Variants in EEF1AKMT1 observed in about 807,000 individuals in gnomAD.
EEF1AKMT1 encodes the protein N-6 adenine-specific DNA methyltransferase 2 (putative).
Under a neutral mutation model 21.0 loss-of-function variants are expected in EEF1AKMT1, and 18 were observed. That is an observed-to-expected ratio of 0.86 (90% CI 0.59 to 1.27). EEF1AKMT1 has a LOEUF of 1.27. EEF1AKMT1 is among the 50% of genes most tolerant of loss of function. The pLI, the probability that EEF1AKMT1 is intolerant of heterozygous loss-of-function variation, is 0.00. For synonymous variants in EEF1AKMT1, 109 were observed against 94.8 expected, an observed-to-expected ratio of 1.15 and a Z score of -0.87; for missense variants, 246 against 258.6, an observed-to-expected ratio of 0.95 and a Z score of 0.33.
At chr13:20,738,409 A>C (rs1363629110) in intron 2 of EEF1AKMT1, among the ~76,000 whole-genome samples, 1 of 152,246 alleles carries the variant, frequency 6.6e-6, no homozygotes, top group African/African-American at 2.4e-5. Flanking sequence ...TCATAGTTAT[A>C]AATTAAGCAG....
In EEF1AKMT1 at chr13:20,728,784, A is replaced by C; in HGVS notation, c.*296T>G. On this transcript the variant is annotated 3_prime_UTR_variant, in exon 5 of 5. Transcript: ENST00000382758. ...TGTCTCATTCAGGAGCCCTTGGGCA[A>C]GCCACACAACTGTTCTTCTGTTTTT... 1 of 379,722 alleles carries C rather than the reference A, an allele frequency of 2.6e-6. No homozygotes were observed. The highest frequency in any genetic ancestry group is 4.9e-6 in the Non-Finnish European group (1 of 203,000). The allele number at this position is 379,722 out of a possible 1,614,324, so 23.5% of individuals were successfully genotyped here.
intron 2 of EEF1AKMT1, among the ~76,000 whole-genome samples, chr13:20,746,464 C>T (rs1435145613): frequency 6.6e-6 from 1 of 152,132 alleles, no homozygotes; most frequent in African/African-American, 2.4e-5. Flanking sequence ...TCTATCCATT[C>T]TTATCTACAG....
At chr13:20,743,832 C>G (rs1451211153) in intron 2 of EEF1AKMT1, among the ~76,000 whole-genome samples, 1 of 151,938 alleles carries the variant, frequency 6.6e-6, no homozygotes, top group Non-Finnish European at 1.5e-5. Context: ...TAATGCTCTC[C>G]CTTCCCTTGT....
At chr13:20,738,980 A>G (rs144560446) in intron 2 of EEF1AKMT1, among the ~76,000 whole-genome samples, 3 of 152,300 alleles carry the variant, frequency 2.0e-5, no homozygotes, top group African/African-American at 7.2e-5. Flanking sequence ...CCTCACGATG[A>G]GTGTGACAGT....
At chr13:20,755,597 G>A (rs966314947) in intron 2 of EEF1AKMT1, among the ~76,000 whole-genome samples, 3 of 152,160 alleles carry the variant, frequency 2.0e-5, no homozygotes, top group African/African-American at 4.8e-5. Context: ...CCTCACCTTA[G>A]GTGTTTCCTG....
intron 1 of EEF1AKMT1, among the ~76,000 whole-genome samples, chr13:20,766,938 T>C (rs1229463370): frequency 1.3e-5 from 2 of 152,188 alleles, no homozygotes; most frequent in African/African-American, 2.4e-5. Context: ...TTTACATTTG[T>C]TATAAATGCC....
At chr13:20,749,929 A>G (rs2058931640) in intron 2 of EEF1AKMT1, among the ~76,000 whole-genome samples, 1 of 152,180 alleles carries the variant, frequency 6.6e-6, no homozygotes, top group Non-Finnish European at 1.5e-5. Flanking sequence ...CATCATAATC[A>G]TGTATCTTAA....
chr13:20,731,095 G>C (rs2058792314), intron 4 of EEF1AKMT1, among the ~76,000 whole-genome samples: 1 of 152,214 alleles, frequency 6.6e-6, no homozygotes, highest in African/African-American at 2.4e-5. Context: ...GTGAGACCAA[G>C]AACCGATCAG....
At position 20,757,550 on chromosome 13, in the gene EEF1AKMT1, A is replaced by G. The variant is rs779940917; in HGVS notation, c.49T>C (p.Leu17=). 10 of 1,614,182 alleles carry G rather than the reference A, an allele frequency of 6.2e-6. No individual in the cohort carries two copies. The Admixed American group carries it at 1.3e-4, about 22-fold the overall frequency. ...DETPQLSAHA[L]AALQEFYAEQ... ...GCATAAAATTCCTGGAGAGCTGCTA[A>G]GGCATGGGCAGAAAGCTGGGGTGTC... The change falls in exon 2 of 5, where the codon TTA becomes CTA. Residue 17 remains leucine, a synonymous_variant. Transcript: ENST00000382758.
chr13:20,773,908 A>C lies in EEF1AKMT1; in HGVS notation c.-20+13T>G, dbSNP rs1409243709. 6.6e-6 allele frequency: 1 copy of C among 152,318 alleles called. No homozygotes were observed. The highest frequency in any genetic ancestry group is 2.4e-5 in the African/African-American group (1 of 41,440). 9.4% of individuals were successfully genotyped at this position (152,318 alleles called of 1,614,324 possible). A position where few individuals can be genotyped will look rare whatever the true frequency, so the allele number is the denominator to read the frequency against. ...CAGCCAACCCTACAGCTGCGCCCGA[A>C]CCCGCCACTCACCAGCCGCGCGTGC... On this transcript the variant is annotated intron_variant, in intron 1 of 4. Transcript: ENST00000382758.
In EEF1AKMT1 at chr13:20,735,209, G is replaced by C. The variant is rs1003281367; in HGVS notation, c.227+2514C>G. Among the ~76,000 whole-genome samples, 5 of 152,318 alleles carry C rather than the reference G, an allele frequency of 3.3e-5. No homozygotes were observed. The East Asian group carries it at 9.6e-4, about 29-fold the overall frequency. On this transcript the variant is annotated intron_variant, in intron 3 of 4. Transcript: ENST00000382758. ...ATACCCGAGGGCTCAGGATGCGACA[G>C]AACCCGGTAACTCAAGAAGCAGAGG...
intron 1 of EEF1AKMT1, among the ~76,000 whole-genome samples, chr13:20,760,982 C>T (rs1353623544): frequency 6.6e-6 from 1 of 152,190 alleles, no homozygotes; most frequent in Admixed American, 6.5e-5. Context: ...TCCCATGTAT[C>T]CTTCCACCTA....
chr13:20,764,912 CACACA>C (rs1263502127), intron 1 of EEF1AKMT1, among the ~76,000 whole-genome samples: 32 of 150,704 alleles, frequency 2.1e-4, no homozygotes, highest in Middle Eastern at 3.5e-3. Flanking sequence ...CACACACACA[CACACA>C]CCCTAATTTT....
At chr13:20,738,911 T>G (rs934221254) in intron 2 of EEF1AKMT1, among the ~76,000 whole-genome samples, 4 of 133,266 alleles carry the variant, frequency 3.0e-5, no homozygotes, top group Non-Finnish European at 5.9e-5. Flanking sequence ...TGGTGATAGT[T>G]GTGTGTCCGG....
intron 2 of EEF1AKMT1, chr13:20,748,006 C>T: frequency 4.0e-6 from 1 of 248,736 alleles, no homozygotes; most frequent in Non-Finnish European, 8.0e-6. Context: ...GTACCACCAT[C>T]ACCAACCAAT....
intron 2 of EEF1AKMT1, among the ~76,000 whole-genome samples, chr13:20,740,668 T>C (rs75649367): frequency 0.023 from 3,553 of 152,180 alleles, 113 homozygotes; most frequent in Middle Eastern, 0.085. Context: ...CCAGGTGTGG[T>C]AGCATGTGCC....
intron 1 of EEF1AKMT1, among the ~76,000 whole-genome samples, chr13:20,766,298 CA>C (rs35866979): frequency 0.41 from 31,259 of 76,322 alleles, 3,002 homozygotes; most frequent in Middle Eastern, 0.48. Flanking sequence ...GACTCCATCT[CA>C]AAAAAAAAAA....
rs146131674 is a variant in EEF1AKMT1 at position 20,763,496 on chromosome 13, A to G, written c.-19-5879T>C. 4.5e-3 allele frequency among the ~76,000 whole-genome samples: 685 copies of G among 151,170 alleles called. 9 individuals carry two copies. Among genetic ancestry groups the G allele is most frequent in the African/African-American group, 0.016 (648 of 41,078 alleles). Reference sequence around the variant, plus strand: ...AAACAGAATTTTGCTATTGTCGCCCAGGCTGGAGTGCAATGGCTCGATCTC... The same window carrying G: ...AAACAGAATTTTGCTATTGTCGCCCGGGCTGGAGTGCAATGGCTCGATCTC... On this transcript the variant is annotated intron_variant, in intron 1 of 4. Coordinates refer to ENST00000382758, the MANE Select transcript of EEF1AKMT1 (RefSeq NM_001318939.2).
chr13:20,743,663 T>C, intron 2 of EEF1AKMT1, among the ~76,000 whole-genome samples: 1 of 151,926 alleles, frequency 6.6e-6, no homozygotes, highest in African/African-American at 2.4e-5. Context: ...CTTGTGCTTT[T>C]TTTTTTTTTT....
Sources: allele counts gnomAD v4.1 joint callset (sites outside exome capture counted in the v4.1 genomes callset), GRCh38; gene constraint gnomAD v4.1.1; transcripts MANE v1.5; gene names NCBI Gene and HGNC (gene_info 2026-07-23, HGNC 2026-07-21).